The following CYP4F3 variants were observed in gnomAD, a reference collection of about 807,000 sequenced individuals.
The protein encoded by CYP4F3 is cytochrome P450 family 4 subfamily F member 3, also known as cytochrome P450 4F3.
In CYP4F3, 50 loss-of-function variants were observed where a neutral mutation model predicts 54.8. The ratio of observed to expected loss-of-function variants is 0.91; its 90% CI spans 0.73 to 1.16. The LOEUF is 1.16. CYP4F3 is among the 50% of genes most tolerant of loss of function. The pLI, the probability that CYP4F3 is intolerant of heterozygous loss-of-function variation, is 0.00. For missense variants in CYP4F3, 715 were observed against 676.2 expected, an observed-to-expected ratio of 1.06 and a Z score of -0.64; for synonymous variants, 244 against 262.6, an observed-to-expected ratio of 0.93 and a Z score of 0.69.
rs750055568 is a variant in CYP4F3 at position 15,647,075 on chromosome 19, GTCT to G, written c.371_373del (p.Phe124del). 4 of 1,613,834 alleles carry G rather than the reference GTCT, an allele frequency of 2.5e-6. No homozygotes were observed. Among genetic ancestry groups the G allele is most frequent in the African/African-American group, 2.7e-5 (2 of 74,714 alleles). On this transcript the variant is annotated inframe_deletion, in exon 4 of 13. Transcript: ENST00000221307. Reference sequence around the variant, plus strand: ...AGCTGCCATTGTACCAAAGGACAAGGTCTTCTACAGCTTCCTGAAGCCCTGGCT... The same window carrying G: ...AGCTGCCATTGTACCAAAGGACAAGGTCTACAGCTTCCTGAAGCCCTGGCT...
chr19:15,646,316 A>G (rs1183830849), intron 3 of CYP4F3, among the ~76,000 whole-genome samples: 2 of 151,962 alleles, frequency 1.3e-5, no homozygotes, highest in South Asian at 2.1e-4. Context: ...CCTGCTGGTC[A>G]CATCTGGGCC....
Position 15,647,001 on chromosome 19 carries a change from G to T in CYP4F3, c.344-51G>T. 1.9e-6 allele frequency: 3 copies of T among 1,608,678 alleles called. 1 individual carries two copies. The South Asian group carries it at 3.3e-5, about 18-fold the overall frequency. ...CTGGGAGCCTCCCCCCACCCCCAAA[G>T]TTCCTCCTTCACCTGCCTCCATGGC... On this transcript the variant is annotated intron_variant, in intron 3 of 12. Transcript: ENST00000221307.
chr19:15,651,891 A>G (rs984715033), intron 7 of CYP4F3, among the ~76,000 whole-genome samples: 1 of 152,186 alleles, frequency 6.6e-6, no homozygotes, highest in Non-Finnish European at 1.5e-5. Context: ...AGAGCAGCTC[A>G]TGTCTTGCTT....
chr19:15,656,467 GTTTATCTATCTA>G (rs1973013227), intron 9 of CYP4F3, among the ~76,000 whole-genome samples: 1 of 134,392 alleles, frequency 7.4e-6, no homozygotes, highest in Non-Finnish European at 1.7e-5. Context: ...CCATAGATTT[GTTTATCTATCTA>G]TCTATCTATC....
intron 7 of CYP4F3, among the ~76,000 whole-genome samples, chr19:15,650,690 T>TTC (rs1206242432): frequency 2.9e-5 from 2 of 69,912 alleles, no homozygotes; most frequent in African/African-American, 1.4e-4. Flanking sequence ...CTTTCTTTCT[T>TTC]TCTTTCTTTC....
At chr19:15,645,206 A>C (rs1029684646) in intron 2 of CYP4F3, among the ~76,000 whole-genome samples, 2 of 152,204 alleles carry the variant, frequency 1.3e-5, no homozygotes, top group African/African-American at 4.8e-5. Context: ...CAGAGTTCCC[A>C]GAAAAGGCCC....
At chr19:15,641,699 G>A in intron 2 of CYP4F3, 86 bp downstream of exon 2, 2 of 1,370,314 alleles carry the variant, frequency 1.5e-6, no homozygotes, top group South Asian at 1.2e-5. Flanking sequence ...GAGAGGGGGT[G>A]GGCTGGGGTC....
intron 2 of CYP4F3, chr19:15,643,913 C>G: frequency 1.9e-6 from 3 of 1,577,516 alleles, no homozygotes; most frequent in Non-Finnish European, 2.6e-6. Flanking sequence ...GCAGGTCACC[C>G]CCACGGAGCA....
intron 2 of CYP4F3, among the ~76,000 whole-genome samples, chr19:15,644,560 C>T (rs547830426): frequency 2.0e-5 from 3 of 151,612 alleles, no homozygotes; most frequent in Non-Finnish European, 2.9e-5. Flanking sequence ...CCAGGTCTAG[C>T]GTCACCTTGC....
chr19:15,659,621 A>T lies in CYP4F3; in HGVS notation c.*236A>T. 1.6e-6 allele frequency: 1 copy of T among 633,662 alleles called. No homozygotes were observed. The highest frequency in any genetic ancestry group is 2.4e-5 in the South Asian group (1 of 42,398). 39.3% of individuals were successfully genotyped at this position (633,662 alleles called of 1,614,324 possible). A position where few individuals can be genotyped will look rare whatever the true frequency, so the allele number is the denominator to read the frequency against. On this transcript the variant is annotated 3_prime_UTR_variant, in exon 13 of 13. Transcript: ENST00000221307. ...CCCAAGCTATATATTACCAGATGAA[A>T]GGATAAACAAAATATGGTCCATCCA...
At position 15,652,621 on chromosome 19, in the gene CYP4F3, C is replaced by T; in HGVS notation, c.971C>T (p.Thr324Ile). The change falls in exon 8 of 13, where the codon ACC becomes ATC. Residue 324 changes from threonine to isoleucine, a missense_variant. By Grantham distance (89) the Thr-to-Ile change is moderately conservative. Coordinates refer to ENST00000221307, the MANE Select transcript of CYP4F3 (RefSeq NM_000896.3). Reference sequence around the variant, plus strand: ...GAGGACATAAGAGCAGAAGCTGACACCTTTATGTTTGAGGGTGAGGGCCCC... The same window carrying T: ...GAGGACATAAGAGCAGAAGCTGACATCTTTATGTTTGAGGGTGAGGGCCCC... ...SDEDIRAEAD[T>I]FMFEGHDTTA... 6.2e-7 allele frequency: 1 copy of T among 1,614,090 alleles called. No homozygotes were observed. The highest frequency in any genetic ancestry group is 8.5e-7 in the Non-Finnish European group (1 of 1,179,996).
At chr19:15,648,032 G>A (rs1972682645) in intron 5 of CYP4F3, among the ~76,000 whole-genome samples, 2 of 152,152 alleles carry the variant, frequency 1.3e-5, no homozygotes, top group Admixed American at 1.3e-4. Context: ...GGGTAAAATA[G>A]GCTCTGTCTA....
chr19:15,647,424 C>T, intron 5 of CYP4F3, 100 bp downstream of exon 5: 1 of 1,542,112 alleles, frequency 6.5e-7, no homozygotes, highest in Non-Finnish European at 8.8e-7. Flanking sequence ...TGCCTCTGGG[C>T]CATTGTCTTC....
At chr19:15,643,886 C>A (rs768182066) in intron 2 of CYP4F3, 1 of 1,530,294 alleles carries the variant, frequency 6.5e-7, no homozygotes, top group South Asian at 1.3e-5. Flanking sequence ...CAGGAGGTGA[C>A]GGCCCCTGCC....
chr19:15,641,681 G>T (rs1972469507), intron 2 of CYP4F3, 68 bp downstream of exon 2: 1 of 1,465,404 alleles, frequency 6.8e-7, no homozygotes, highest in East Asian at 2.3e-5. Flanking sequence ...TAAGAATGAG[G>T]CTCAGGTGAG....
At position 15,650,068 on chromosome 19, in the gene CYP4F3, A is replaced by T. The variant is rs1972746590; in HGVS notation, c.803A>T (p.Asp268Val). 1.2e-6 allele frequency: 2 copies of T among 1,614,050 alleles called. No homozygotes were observed. The highest frequency in any genetic ancestry group is 1.7e-5 in the Admixed American group (1 of 60,004). Residue 268 changes from aspartate (D) to valine (V), a missense_variant, in exon 7 of 13, where the codon GAT becomes GTT. By Grantham distance (152) the Asp-to-Val change is radical (BLOSUM62 -3). Transcript: ENST00000221307. ...TGCCGCCTGGTGCACGACTTCACAGATGCCGTCATCCAGGAGCGGCGCCGC... is the reference window on the plus strand; with the variant it reads ...TGCCGCCTGGTGCACGACTTCACAGTTGCCGTCATCCAGGAGCGGCGCCGC... ...RACRLVHDFTDAVIQERRRTL... is the reference protein window; with the variant it reads ...RACRLVHDFTVAVIQERRRTL...
intron 7 of CYP4F3, 196 bp downstream of exon 7, chr19:15,650,379 T>C: frequency 1.9e-6 from 2 of 1,073,160 alleles, no homozygotes; most frequent in Non-Finnish European, 2.7e-6. Context: ...TAAATGAAAT[T>C]GTGATGAGTC....
At position 15,659,153 on chromosome 19, in the gene CYP4F3, T is replaced by C. The variant is rs1973120308; in HGVS notation, c.1398-67T>C. 3.0e-5 allele frequency: 40 copies of C among 1,334,340 alleles called. No homozygotes were observed. The South Asian group carries it at 4.9e-4, about 16-fold the overall frequency. The allele number at this position is 1,334,340 out of a possible 1,614,324, so 82.7% of individuals were successfully genotyped here. A position where few individuals can be genotyped will look rare whatever the true frequency, so the allele number is the denominator to read the frequency against. On this transcript the variant is annotated intron_variant, in intron 12 of 12. Coordinates refer to ENST00000221307, the MANE Select transcript of CYP4F3 (RefSeq NM_000896.3). ...GTGGGGTTGGGTGTCCCAGGCCAGGTTACCGGCTTGATGGGGCCAGGATGG... is the reference window on the plus strand; with the variant it reads ...GTGGGGTTGGGTGTCCCAGGCCAGGCTACCGGCTTGATGGGGCCAGGATGG...
chr19:15,653,067 A>G (rs1972907775), intron 9 of CYP4F3, 115 bp downstream of exon 9: 1 of 1,433,478 alleles, frequency 7.0e-7, no homozygotes. Flanking sequence ...CTTAGTGGGA[A>G]TAGGAGCAGA....
Sources: allele counts gnomAD v4.1 joint callset (sites outside exome capture counted in the v4.1 genomes callset), GRCh38; gene constraint gnomAD v4.1.1; transcripts MANE v1.5; gene names NCBI Gene and HGNC (gene_info 2026-07-23, HGNC 2026-07-21).